The following APOLD1 variants were observed in gnomAD, a reference collection of about 807,000 sequenced individuals.
The protein encoded by APOLD1 is apolipoprotein L domain containing 1.
A neutral mutation model predicts 15.3 loss-of-function variants in APOLD1; 22 were observed. The observed-to-expected ratio is 1.44, with a 90% CI of 1.03 to 2.05. APOLD1 has a LOEUF of 2.05. APOLD1 is among the 30% of genes most tolerant of loss of function. The pLI is 0.00. For synonymous variants in APOLD1, 190 were observed against 167.4 expected, an observed-to-expected ratio of 1.13 and a Z score of -1.04; for missense variants, 394 against 353.5, an observed-to-expected ratio of 1.11 and a Z score of -0.92.
chr12:12,774,324 C>A (rs1390243902), intron 1 of APOLD1, among the ~76,000 whole-genome samples: 2 of 151,692 alleles, frequency 1.3e-5, no homozygotes, highest in Non-Finnish European at 2.9e-5. Context: ...GAGGGTGAAT[C>A]ACTTTGGGTC....
chr12:12,749,704 G>A (rs1396780836), intron 1 of APOLD1, among the ~76,000 whole-genome samples: 1 of 152,270 alleles, frequency 6.6e-6, no homozygotes, highest in East Asian at 1.9e-4. Context: ...GTGGCCCATG[G>A]GAAACCTGTA....
chr12:12,728,147 T>G (rs1238402107), intron 1 of APOLD1, among the ~76,000 whole-genome samples: 2 of 151,636 alleles, frequency 1.3e-5, no homozygotes, highest in African/African-American at 4.8e-5. Flanking sequence ...TTTTTACTTT[T>G]GTAGAGATGG....
intron 1 of APOLD1, among the ~76,000 whole-genome samples, chr12:12,766,046 G>C (rs969334769): frequency 1.3e-5 from 2 of 152,140 alleles, no homozygotes; most frequent in Non-Finnish European, 2.9e-5. Context: ...AATGATGGCA[G>C]GAAATAAAAG....
At chr12:12,757,936 T>TC in intron 1 of APOLD1, among the ~76,000 whole-genome samples, 1 of 144,056 alleles carries the variant, frequency 6.9e-6, no homozygotes, top group Non-Finnish European at 1.5e-5. Context: ...TAATTCAATA[T>TC]CTTTTTTTTT....
intron 1 of APOLD1, among the ~76,000 whole-genome samples, chr12:12,765,030 T>C (rs1205109925): frequency 1.3e-5 from 2 of 152,132 alleles, no homozygotes; most frequent in Non-Finnish European, 2.9e-5. Context: ...TCCAGCCATG[T>C]AGAGGAAGAG....
intron 1 of APOLD1, among the ~76,000 whole-genome samples, chr12:12,728,103 C>G (rs2136364754): frequency 6.6e-6 from 1 of 152,172 alleles, no homozygotes; most frequent in East Asian, 1.9e-4. Context: ...TGTAGCTGGA[C>G]TACAGATGTG....
intron 1 of APOLD1, among the ~76,000 whole-genome samples, chr12:12,750,101 G>A (rs1015421937): frequency 1.3e-5 from 2 of 152,146 alleles, no homozygotes; most frequent in African/African-American, 2.4e-5. Flanking sequence ...GGCCGGGCGC[G>A]GTGGCTCACG....
chr12:12,771,400 A>G (rs1463684375), intron 1 of APOLD1: 1 of 369,828 alleles, frequency 2.7e-6, no homozygotes, highest in Non-Finnish European at 5.2e-6. Flanking sequence ...AGCAGCAACA[A>G]AATCATCATT....
chr12:12,758,178 T>C (rs1026458801), intron 1 of APOLD1, among the ~76,000 whole-genome samples: 15 of 150,936 alleles, frequency 9.9e-5, no homozygotes, highest in Admixed American at 1.3e-4. Flanking sequence ...CCTCGTGATC[T>C]GCCCACCTTG....
chr12:12,750,294 C>G (rs1220583492), intron 1 of APOLD1, among the ~76,000 whole-genome samples: 5 of 141,600 alleles, frequency 3.5e-5, no homozygotes, highest in African/African-American at 1.3e-4. Context: ...ATCGCTTGAA[C>G]CCGGGAGACG....
intron 1 of APOLD1, among the ~76,000 whole-genome samples, chr12:12,767,306 AACC>A (rs1413527838): frequency 1.3e-5 from 2 of 152,152 alleles, no homozygotes; most frequent in Admixed American, 6.5e-5. Context: ...GAATTAAACC[AACC>A]ACTGATTGGA....
chr12:12,738,552 T>C (rs1946707908), intron 1 of APOLD1, among the ~76,000 whole-genome samples: 2 of 152,202 alleles, frequency 1.3e-5, no homozygotes, highest in South Asian at 4.2e-4. Flanking sequence ...CGGTGTCCTT[T>C]TAAGAATTTC....
At position 12,791,370 on chromosome 12, in the gene APOLD1, G is replaced by A. The variant is rs190716479; in HGVS notation, c.*3718G>A. 3.3e-5 allele frequency: 5 copies of A among 152,174 alleles called. No individual in the cohort carries two copies. The highest frequency in any genetic ancestry group is 2.0e-4 in the Admixed American group (3 of 15,284). The allele number at this position is 152,174 out of a possible 1,614,324, so 9.4% of individuals were successfully genotyped here. A position where few individuals can be genotyped will look rare whatever the true frequency, so the allele number is the denominator to read the frequency against. The stretch of plus-strand genomic sequence containing the variant: ...AAAGACATCGTGCAGAGATAAATGG[G>A]GATACAGTTAAATGTAGCAACTCTT... On this transcript the variant is annotated 3_prime_UTR_variant, in exon 2 of 2. Transcript: ENST00000356591.
intron 1 of APOLD1, among the ~76,000 whole-genome samples, chr12:12,777,896 T>G (rs1258292687): frequency 3.0e-3 from 38 of 12,582 alleles, no homozygotes; most frequent in Admixed American, 7.0e-3. Context: ...GGTGTTTTTT[T>G]TTTTTTTTTT....
At chr12:12,786,740 G>A (rs1392767383) in intron 1 of APOLD1, 169 bp from the exon 2 acceptor site, 7 of 985,320 alleles carry the variant, frequency 7.1e-6, no homozygotes, top group Non-Finnish European at 8.4e-6. Flanking sequence ...TCCAGAACAG[G>A]TCTTTGAGAA....
chr12:12,730,398 C>CATTACATATTTGTAAACAATCAAATT (rs1946628886), intron 1 of APOLD1, among the ~76,000 whole-genome samples: 1 of 151,928 alleles, frequency 6.6e-6, no homozygotes, highest in Non-Finnish European at 1.5e-5. Flanking sequence ...GATTTTATTT[C>CATTACATATTTGTAAACAATCAAATT]GGCCAGGCAT....
In APOLD1 at chr12:12,786,904, C is replaced by A; in HGVS notation, c.4-5C>A. ...CAGGCTGACCGCGTGTCTATGTCCCCGCAGGGAATGGAGAGGCCGGCGGCC... is the reference window on the plus strand; with the variant it reads ...CAGGCTGACCGCGTGTCTATGTCCCAGCAGGGAATGGAGAGGCCGGCGGCC... On this transcript the variant is annotated splice_polypyrimidine_tract_variant and splice_region_variant and intron_variant, in intron 1 of 1. Transcript: ENST00000356591. 1 of 1,427,100 alleles carries A rather than the reference C, an allele frequency of 7.0e-7. No individual in the cohort carries two copies. The highest frequency in any genetic ancestry group is 1.5e-5 in the South Asian group (1 of 68,000). 88.4% of individuals were successfully genotyped at this position (1,427,100 alleles called of 1,614,324 possible).
chr12:12,746,465 C>T (rs1426597053), intron 1 of APOLD1, among the ~76,000 whole-genome samples: 1 of 151,804 alleles, frequency 6.6e-6, no homozygotes, highest in Non-Finnish European at 1.5e-5. Context: ...CACTGCACTC[C>T]AGCCTGGGCA....
chr12:12,781,890 T>C (rs1389008802), upstream of APOLD1, among the ~76,000 whole-genome samples: 1 of 152,046 alleles, frequency 6.6e-6, no homozygotes, highest in South Asian at 2.1e-4. Context: ...TGTTGATAAC[T>C]GTATAAACAC....
Sources: allele counts gnomAD v4.1 joint callset (sites outside exome capture counted in the v4.1 genomes callset), GRCh38; gene constraint gnomAD v4.1.1; transcripts MANE v1.5; gene names NCBI Gene and HGNC (gene_info 2026-07-23, HGNC 2026-07-21).